FAM135A: variants seen among roughly 807,000 people sequenced by gnomAD.
FAM135A encodes the protein family with sequence similarity 135 member A.
A neutral mutation model predicts 146.8 loss-of-function variants in FAM135A; 79 were observed. The ratio of observed to expected loss-of-function variants is 0.54; its 90% confidence interval spans 0.45 to 0.65. The LOEUF is 0.65. Among genes scored for constraint, FAM135A ranks in the 30% least tolerant of loss-of-function variants. The pLI, the probability that FAM135A is intolerant of heterozygous loss-of-function variation, is 0.00. For synonymous variants in FAM135A, 562 were observed against 603.6 expected, an observed-to-expected ratio of 0.93 and a Z score of 1.01; for missense variants, 1,623 against 1,758.2, an observed-to-expected ratio of 0.92 and a Z score of 1.38.
chr6:70,545,945 A>G (rs1415809715), intron 20 of FAM135A, among the ~76,000 whole-genome samples: 1 of 152,196 alleles, frequency 6.6e-6, no homozygotes, highest in Non-Finnish European at 1.5e-5. Context: ...GCTACTTCTA[A>G]TAGCACTTTT....
At chr6:70,497,174 C>T (rs1787475837) in intron 11 of FAM135A, among the ~76,000 whole-genome samples, 1 of 152,082 alleles carries the variant, frequency 6.6e-6, no homozygotes, top group African/African-American at 2.4e-5. Context: ...CTCTTATTTC[C>T]TTGAGCAGTG....
chr6:70,555,052 A>G (rs187025163), intron 20 of FAM135A, among the ~76,000 whole-genome samples: 1 of 152,330 alleles, frequency 6.6e-6, no homozygotes, highest in African/African-American at 2.4e-5. Flanking sequence ...ACTGTCATAA[A>G]CAGTCAAGTC....
chr6:70,428,032 G>T (rs182214868), intron 3 of FAM135A, among the ~76,000 whole-genome samples: 1 of 152,146 alleles, frequency 6.6e-6, no homozygotes, highest in East Asian at 1.9e-4. Context: ...GCAATATGTT[G>T]TATTATTTAT....
At chr6:70,476,585 A>G (rs1286890894) in intron 7 of FAM135A, among the ~76,000 whole-genome samples, 1 of 152,128 alleles carries the variant, frequency 6.6e-6, no homozygotes, top group Non-Finnish European at 1.5e-5. Flanking sequence ...GATTGTTAAA[A>G]TGGATGGATG....
intron 5 of FAM135A, among the ~76,000 whole-genome samples, chr6:70,470,948 A>T (rs886480806): frequency 9.2e-5 from 14 of 152,242 alleles, no homozygotes; most frequent in African/African-American, 3.4e-4. Flanking sequence ...GAAATAAGAA[A>T]CAAATTTATC....
intron 12 of FAM135A, among the ~76,000 whole-genome samples, chr6:70,514,081 T>C (rs1791662512): frequency 2.0e-5 from 3 of 152,062 alleles, no homozygotes; most frequent in African/African-American, 7.2e-5. Flanking sequence ...TGCTATTATA[T>C]CTTCAGATAT....
At chr6:70,475,971 C>T (rs567667540) in intron 7 of FAM135A, among the ~76,000 whole-genome samples, 21 of 152,300 alleles carry the variant, frequency 1.4e-4, no homozygotes, top group Non-Finnish European at 2.2e-4. Flanking sequence ...TTTTTCCTAG[C>T]TCCTAGAAAT....
At chr6:70,473,677 T>C (rs1277063136) in intron 5 of FAM135A, among the ~76,000 whole-genome samples, 1 of 152,118 alleles carries the variant, frequency 6.6e-6, no homozygotes, top group Non-Finnish European at 1.5e-5. Flanking sequence ...GGGCTTCACC[T>C]TATGCAAGGT....
intron 4 of FAM135A, among the ~76,000 whole-genome samples, chr6:70,444,410 T>A (rs569865845): frequency 7.3e-4 from 59 of 80,942 alleles, no homozygotes; most frequent in Middle Eastern, 6.0e-3. Context: ...CTCAAAAAAA[T>A]AAATAAATAA....
chr6:70,489,563 TA>T (rs1729409484), intron 10 of FAM135A, among the ~76,000 whole-genome samples: 1 of 152,120 alleles, frequency 6.6e-6, no homozygotes, highest in Non-Finnish European at 1.5e-5. Flanking sequence ...CAGCAGAATT[TA>T]TTTAAAGAGA....
chr6:70,524,770 G>C lies in FAM135A; in HGVS notation c.1686G>C (p.Lys562Asn). Residue 562 changes from lysine to asparagine, a missense_variant, in exon 15 of 22, where the codon AAG becomes AAC. Lys to Asn is a moderately conservative substitution (Grantham distance 94). This residue lies in a region of FAM135A where 1,061 missense variants were observed against 1,113.8 expected (regional missense o/e 0.95). Transcript: ENST00000418814. ...PTICGYNFDP[K>N]TYMRQTSQKE... is the part of the protein sequence containing the mutation. The stretch of plus-strand genomic sequence containing the variant: ...TATGTGGATATAATTTTGACCCAAA[G>C]ACCTACATGAGACAGACAAGTCAAA... The C allele has an allele frequency of 6.5e-7, 1 of 1,549,988 alleles. No individual in the cohort carries two copies. The highest frequency in any genetic ancestry group is 8.7e-7 in the Non-Finnish European group (1 of 1,146,516).
chr6:70,503,655 G>A (rs1292988922), intron 12 of FAM135A: 2 of 152,098 alleles, frequency 1.3e-5, no homozygotes, highest in Non-Finnish European at 2.9e-5. Context: ...TTGTGATGAT[G>A]AGTTCCTTCC....
At chr6:70,558,449 TG>T (rs1488993596) in intron 21 of FAM135A, among the ~76,000 whole-genome samples, 4 of 152,264 alleles carry the variant, frequency 2.6e-5, no homozygotes, top group African/African-American at 9.6e-5. Context: ...TATACATTTA[TG>T]TGGATGTATT....
chr6:70,544,643 A>G (rs1238619284), intron 20 of FAM135A, among the ~76,000 whole-genome samples: 2 of 152,042 alleles, frequency 1.3e-5, no homozygotes, highest in South Asian at 4.1e-4. Flanking sequence ...CCAGAGGCTG[A>G]GGCACAAGAA....
At chr6:70,553,125 T>C (rs578229580) in intron 20 of FAM135A, among the ~76,000 whole-genome samples, 1 of 152,276 alleles carries the variant, frequency 6.6e-6, no homozygotes, top group South Asian at 2.1e-4. Context: ...AAGCCATTAT[T>C]AGATAAACCA....
intron 4 of FAM135A, among the ~76,000 whole-genome samples, chr6:70,439,093 G>A (rs563844172): frequency 3.3e-5 from 5 of 152,190 alleles, no homozygotes; most frequent in Non-Finnish European, 7.3e-5. Context: ...AGAGTCGCTT[G>A]AGTCCAGGAG....
In FAM135A at chr6:70,481,988, G is replaced by GT. The variant is rs747836556; in HGVS notation, c.670-7dup. ...TACTGACACTCTGTATCCTACATCT[G>GT]TTTTTTGTTTAGGGTTGTAGCTTCA... On this transcript the variant is annotated splice_polypyrimidine_tract_variant and intron_variant, in intron 9 of 21. Coordinates refer to ENST00000418814, the MANE Select transcript of FAM135A (RefSeq NM_001162529.3). The GT allele has an allele frequency of 1.2e-6, 2 of 1,606,774 alleles. No homozygotes were observed. Among genetic ancestry groups the GT allele is most frequent in the Non-Finnish European group, 1.7e-6 (2 of 1,176,524 alleles).
At chr6:70,539,853 A>G (rs2144220) in intron 20 of FAM135A, among the ~76,000 whole-genome samples, 129,116 of 151,520 alleles carry the variant, frequency 0.85, 55,634 homozygotes, top group African/African-American at 0.95. Context: ...AAAATTAGCC[A>G]GGCGTGGTGG....
At position 70,502,524 on chromosome 6, in the gene FAM135A, CTTTT is replaced by C. The variant is rs1325289416; in HGVS notation, c.874-108_874-105del. On this transcript the variant is annotated intron_variant, in intron 11 of 21. Coordinates refer to ENST00000418814, the MANE Select transcript of FAM135A (RefSeq NM_001162529.3). ...TGCATGCACATACAAATGCACATCT[CTTTT>C]TTTAAACCACAAATTTGCCTTTGTA... is the stretch of plus-strand genomic sequence containing the variant. 8.9e-5 allele frequency: 100 copies of C among 1,119,472 alleles called. No individual in the cohort carries two copies. The East Asian group carries it at 2.5e-3, about 28-fold the overall frequency. The allele number at this position is 1,119,472 out of a possible 1,614,324, so 69.3% of individuals were successfully genotyped here.
Sources: allele counts gnomAD v4.1 joint callset (sites outside exome capture counted in the v4.1 genomes callset), GRCh38; gene constraint gnomAD v4.1.1; regional missense constraint gnomAD v4.1.1; transcripts MANE v1.5; gene names NCBI Gene and HGNC (gene_info 2026-07-23, HGNC 2026-07-21).